GALNT13: variants seen among roughly 807,000 people sequenced by gnomAD.
GALNT13 encodes the protein UDP-GalNAc:polypeptide N-acetylgalactosaminyltransferase 13.
In GALNT13, 28 loss-of-function variants were observed where a neutral mutation model predicts 64.2. That is an observed-to-expected ratio of 0.44 (90% CI 0.32 to 0.60). GALNT13 has a LOEUF of 0.60. Ranked by LOEUF, GALNT13 falls within the 20% of genes least tolerant of loss-of-function variation. The pLI is 0.05. For missense variants in GALNT13, 577 were observed against 669.8 expected (o/e 0.86, Z 1.53); for synonymous variants, 214 against 224.6 (o/e 0.95, Z 0.42).
rs530058088 is a variant in GALNT13 at position 154,040,954 on chromosome 2, TAC to T, written c.142+96317_142+96318del. 8.5e-4 allele frequency among the ~76,000 whole-genome samples: 119 copies of T among 140,384 alleles called. 7 individuals are homozygous for T. The highest frequency in any genetic ancestry group is 2.6e-3 in the African/African-American group (108 of 41,022). 92.1% of individuals were successfully genotyped at this position (140,384 alleles called of 152,430 possible). A position where few individuals can be genotyped will look rare whatever the true frequency, so the allele number is the denominator to read the frequency against. ...CTTTTAAAGAGAACATCTGTTTTTG[TAC>T]AAAGTGTTGCTATGAAACTTCAGTA... On this transcript the variant is annotated intron_variant, in intron 3 of 12. Coordinates refer to ENST00000392825, the MANE Select transcript of GALNT13 (RefSeq NM_052917.4).
intron 9 of GALNT13, among the ~76,000 whole-genome samples, chr2:154,348,222 A>G (rs1696180277): frequency 6.6e-6 from 1 of 152,116 alleles, no homozygotes; most frequent in Non-Finnish European, 1.5e-5. Flanking sequence ...CCACTGTGCA[A>G]TCCTGCCTCA....
chr2:154,226,005 A>G (rs754214318), intron 4 of GALNT13, among the ~76,000 whole-genome samples: 10 of 152,070 alleles, frequency 6.6e-5, no homozygotes, highest in Non-Finnish European at 1.2e-4. Flanking sequence ...ACAAAAAGTT[A>G]AAGGGTGGGG....
the GALNT13 span, among the ~76,000 whole-genome samples, chr2:153,326,337 C>T: frequency 9.4e-3 from 1,348 of 142,734 alleles, 25 homozygotes; most frequent in East Asian, 0.086. Flanking sequence ...TCCATTTGCT[C>T]GGTAAATAAT....
intron 4 of GALNT13, among the ~76,000 whole-genome samples, chr2:154,201,216 A>G (rs1293763003): frequency 6.6e-6 from 1 of 152,146 alleles, no homozygotes; most frequent in African/African-American, 2.4e-5. Flanking sequence ...ATGAAATTAT[A>G]CTGTTAGTAG....
At chr2:153,293,192 A>G in the GALNT13 span, among the ~76,000 whole-genome samples, 1 of 152,188 alleles carries the variant, frequency 6.6e-6, no homozygotes, top group Middle Eastern at 3.4e-3. Flanking sequence ...ATGGATCTGC[A>G]AAGTTGTCAT....
At chr2:153,172,319 G>T in the GALNT13 span, among the ~76,000 whole-genome samples, 1 of 152,148 alleles carries the variant, frequency 6.6e-6, no homozygotes. Flanking sequence ...AGTGGAGATA[G>T]AAATGCCAAA....
chr2:153,244,850 C>T, the GALNT13 span, among the ~76,000 whole-genome samples: 1 of 152,144 alleles, frequency 6.6e-6, no homozygotes, highest in African/African-American at 2.4e-5. Context: ...GTCCTGCTCC[C>T]ATGGAGCCCA....
At chr2:153,998,488 ATTGT>A (rs1695673351) in intron 3 of GALNT13, among the ~76,000 whole-genome samples, 1 of 151,890 alleles carries the variant, frequency 6.6e-6, no homozygotes, top group East Asian at 1.9e-4. Flanking sequence ...TTTTGATAGA[ATTGT>A]TTGTTTTATT....
chr2:153,647,326 T>C, the GALNT13 span, among the ~76,000 whole-genome samples: 2 of 152,192 alleles, frequency 1.3e-5, no homozygotes, highest in Admixed American at 6.5e-5. Flanking sequence ...TTTTTTTTCT[T>C]GTAAATTTGT....
chr2:153,803,694 A>AAG, the GALNT13 span, among the ~76,000 whole-genome samples: 1 of 149,286 alleles, frequency 6.7e-6, no homozygotes, highest in Non-Finnish European at 1.5e-5. Context: ...TCTGTCTCAA[A>AAG]AAAAAAAAAA....
At chr2:153,354,700 A>G in the GALNT13 span, among the ~76,000 whole-genome samples, 1 of 152,208 alleles carries the variant, frequency 6.6e-6, no homozygotes, top group Non-Finnish European at 1.5e-5. Context: ...AGACCAACCC[A>G]GCATTTTTTG....
At chr2:153,557,017 C>T in the GALNT13 span, among the ~76,000 whole-genome samples, 1 of 152,088 alleles carries the variant, frequency 6.6e-6, no homozygotes, top group Non-Finnish European at 1.5e-5. Flanking sequence ...TGAATGTTCC[C>T]CATCCCCACA....
chr2:153,581,688 CATTA>C, the GALNT13 span, among the ~76,000 whole-genome samples: 7 of 151,134 alleles, frequency 4.6e-5, no homozygotes, highest in Non-Finnish European at 1.0e-4. Flanking sequence ...GACACATAGC[CATTA>C]ATTAATTAAT....
At chr2:153,469,213 G>A in the GALNT13 span, among the ~76,000 whole-genome samples, 24 of 152,204 alleles carry the variant, frequency 1.6e-4, no homozygotes, top group African/African-American at 5.8e-4. Context: ...CAAACACAGA[G>A]ATGCTTTACT....
chr2:153,162,690 G>A, the GALNT13 span, among the ~76,000 whole-genome samples: 1 of 152,098 alleles, frequency 6.6e-6, no homozygotes, highest in Non-Finnish European at 1.5e-5. Flanking sequence ...TTTATATGAC[G>A]ATGCCATTGT....
the GALNT13 span, among the ~76,000 whole-genome samples, chr2:153,719,776 G>C: frequency 6.6e-6 from 1 of 151,740 alleles, no homozygotes; most frequent in Non-Finnish European, 1.5e-5. Context: ...GGCGCACCAC[G>C]AGACTATATC....
intron 9 of GALNT13, among the ~76,000 whole-genome samples, chr2:154,356,616 C>T (rs1291226823): frequency 6.6e-6 from 1 of 151,806 alleles, no homozygotes; most frequent in Non-Finnish European, 1.5e-5. Context: ...AAATAACTAC[C>T]TTTCCTCAAT....
the GALNT13 span, among the ~76,000 whole-genome samples, chr2:153,553,305 C>G: frequency 2.0e-4 from 30 of 152,144 alleles, no homozygotes; most frequent in African/African-American, 7.2e-4. Flanking sequence ...TTGCGACCAG[C>G]CTGGGCAACA....
the GALNT13 span, among the ~76,000 whole-genome samples, chr2:153,178,854 G>C: frequency 1.2e-5 from 1 of 82,460 alleles, no homozygotes; most frequent in African/African-American, 4.2e-5. Context: ...TCCTGCCTCA[G>C]TCTCCCGAGT....
Sources: allele counts gnomAD v4.1 joint callset (sites outside exome capture counted in the v4.1 genomes callset), GRCh38; gene constraint gnomAD v4.1.1; transcripts MANE v1.5; gene names NCBI Gene and HGNC (gene_info 2026-07-23, HGNC 2026-07-21).